Variants in EVA1C observed in about 807,000 individuals in gnomAD.
EVA1C encodes eva-1 homolog C.
Under a neutral mutation model 45.4 loss-of-function variants are expected in EVA1C, and 25 were observed. The ratio of observed to expected loss-of-function variants is 0.55; its 90% CI spans 0.40 to 0.77. The LOEUF is 0.77. Ranked by LOEUF, EVA1C falls within the 30% of genes least tolerant of loss-of-function variation. The pLI is 0.00. For missense variants in EVA1C, 479 were observed against 554.8 expected (o/e 0.86, Z 1.37); for synonymous variants, 190 against 221.2 (o/e 0.86, Z 1.25).
At chr21:32,422,467 A>C (rs561095015) in intron 1 of EVA1C, among the ~76,000 whole-genome samples, 19 of 152,344 alleles carry the variant, frequency 1.2e-4, no homozygotes, top group Admixed American at 1.0e-3. Context: ...GGATTGATGA[A>C]AGATTCAGAG....
intron 4 of EVA1C, among the ~76,000 whole-genome samples, chr21:32,487,446 G>A (rs887031079): frequency 6.6e-6 from 1 of 152,084 alleles, no homozygotes; most frequent in Non-Finnish European, 1.5e-5. Flanking sequence ...GAACCTTTAG[G>A]CCAGTGGCAG....
chr21:32,414,255 G>A (rs2033948629), intron 1 of EVA1C, among the ~76,000 whole-genome samples: 1 of 152,138 alleles, frequency 6.6e-6, no homozygotes, highest in South Asian at 2.1e-4. Flanking sequence ...TCAGAACTCT[G>A]TGGTAAGAGT....
In EVA1C at chr21:32,483,984, G is replaced by C. The variant is rs865924372; in HGVS notation, c.635-11043G>C. On this transcript the variant is annotated intron_variant, in intron 4 of 7. Transcript: ENST00000300255. ...TTTATGTGTGTGTGTGTGTGTGTGTGTGTGTGTGTGTGTGTATTTAAATAT... is the reference window on the plus strand; with the variant it reads ...TTTATGTGTGTGTGTGTGTGTGTGTCTGTGTGTGTGTGTGTATTTAAATAT... Among the ~76,000 whole-genome samples the C allele has an allele frequency of 3.5e-3, 539 of 151,872 alleles. 9 individuals carry two copies. The highest frequency in any genetic ancestry group is 0.013 in the African/African-American group (521 of 41,392).
At chr21:32,444,258 G>A (rs1462639788) in intron 1 of EVA1C, among the ~76,000 whole-genome samples, 1 of 152,062 alleles carries the variant, frequency 6.6e-6, no homozygotes, top group Non-Finnish European at 1.5e-5. Context: ...CATCTACCTG[G>A]AGACAGCATC....
At chr21:32,426,301 G>C (rs932254863) in intron 1 of EVA1C, among the ~76,000 whole-genome samples, 1 of 152,190 alleles carries the variant, frequency 6.6e-6, no homozygotes. Flanking sequence ...CTTGACGTGC[G>C]AGGATGTGTT....
chr21:32,432,444 G>C (rs1308995121), intron 1 of EVA1C, among the ~76,000 whole-genome samples: 2 of 152,086 alleles, frequency 1.3e-5, no homozygotes, highest in Non-Finnish European at 2.9e-5. Context: ...CTGGAGCTTT[G>C]GCAAAGGGGG....
At chr21:32,468,993 G>C (rs1368671022) in intron 4 of EVA1C, among the ~76,000 whole-genome samples, 1 of 152,196 alleles carries the variant, frequency 6.6e-6, no homozygotes, top group Non-Finnish European at 1.5e-5. Context: ...GGAAAGTCAA[G>C]GGCAGGGAGG....
rs543906764 is a variant in EVA1C at position 32,467,715 on chromosome 21, C to T, written c.501C>T (p.Thr167=). 9.9e-5 allele frequency: 159 copies of T among 1,606,786 alleles called. No individual in the cohort carries two copies. Among genetic ancestry groups the T allele is most frequent in the African/African-American group, 8.9e-4 (66 of 74,268 alleles). ...KCQPNELKNK[T]VCEDQELKLH... is the part of the protein sequence containing the mutation. ...CTTCAGATGAATTAAAAAACAAAAC[C>T]GTGTGTGAAGACCAGGAGCTGAAAC... Residue 167 remains threonine (T), a synonymous_variant, in exon 4 of 8, where the codon ACC becomes ACT. Transcript: ENST00000300255.
At chr21:32,494,960 G>T (rs2037294664) in intron 4 of EVA1C, 67 bp from the exon 5 acceptor site, 1 of 1,472,918 alleles carries the variant, frequency 6.8e-7, no homozygotes, top group South Asian at 1.2e-5. Context: ...TACAGAGAAT[G>T]CTGTAGGCTA....
intron 1 of EVA1C, among the ~76,000 whole-genome samples, chr21:32,434,873 T>C (rs180869242): frequency 3.3e-5 from 5 of 152,292 alleles, no homozygotes; most frequent in Middle Eastern, 3.2e-3. Flanking sequence ...GCCACCCAGC[T>C]TGTGGTACCT....
At chr21:32,462,565 TCTGGCCATAAACTGGCCCCAAAA>T (rs1476733411) in intron 3 of EVA1C, among the ~76,000 whole-genome samples, 1 of 152,196 alleles carries the variant, frequency 6.6e-6, no homozygotes. Flanking sequence ...CACCCCAAAA[TCTGGCCATAAACTGGCCCCAAAA>T]CTGGCCATAA....
intron 4 of EVA1C, among the ~76,000 whole-genome samples, chr21:32,494,765 G>C (rs1485529008): frequency 2.2e-5 from 3 of 137,016 alleles, no homozygotes; most frequent in Non-Finnish European, 4.6e-5. Context: ...CTGGGCGACA[G>C]AACAAGAATC....
In EVA1C at chr21:32,515,344, A is replaced by G; in HGVS notation, c.*154A>G. 1.5e-6 allele frequency: 1 copy of G among 689,126 alleles called. No individual in the cohort carries two copies. The highest frequency in any genetic ancestry group is 2.3e-6 in the Non-Finnish European group (1 of 434,284). 42.7% of individuals were successfully genotyped at this position (689,126 alleles called of 1,614,324 possible). A position where few individuals can be genotyped will look rare whatever the true frequency, so the allele number is the denominator to read the frequency against. ...AGGAAGCTATTAAAGGGATGTTTCA[A>G]GCTGTTTCTAGCACATTCCAAAATA... On this transcript the variant is annotated 3_prime_UTR_variant, in exon 8 of 8. Transcript: ENST00000300255.
rs553378303 is a variant in EVA1C at position 32,515,110 on chromosome 21, A to G, written c.1246A>G (p.Arg416Gly). ...AGAGCTCGCAGAAAGGATTGAGCGC[A>G]GGGAGCAAATCATTCAGGAAATATG... ...AAELAERIER[R>G]EQIIQEIWMN... Residue 416 changes from arginine to glycine, a missense_variant, in exon 8 of 8, where the codon AGG becomes GGG. Physicochemically the swap from Arg to Gly is moderately radical, Grantham distance 125. Coordinates refer to ENST00000300255, the MANE Select transcript of EVA1C (RefSeq NM_058187.5). 1.2e-6 allele frequency: 2 copies of G among 1,614,122 alleles called. No homozygotes were observed. Among genetic ancestry groups the G allele is most frequent in the African/African-American group, 1.3e-5 (1 of 75,064 alleles).
chr21:32,412,615 A>G, upstream of EVA1C: 1 of 390,866 alleles, frequency 2.6e-6, no homozygotes, highest in Non-Finnish European at 4.5e-6. Flanking sequence ...CTCTCGGGGA[A>G]ACTACGCGGA....
intron 4 of EVA1C, among the ~76,000 whole-genome samples, chr21:32,468,317 C>T (rs960519711): frequency 6.6e-5 from 10 of 151,392 alleles, no homozygotes; most frequent in East Asian, 1.9e-4. Flanking sequence ...TGCAGTGAGC[C>T]GAGATCGTGC....
intron 4 of EVA1C, among the ~76,000 whole-genome samples, chr21:32,481,055 A>G (rs987595387): frequency 6.6e-6 from 1 of 152,162 alleles, no homozygotes; most frequent in Non-Finnish European, 1.5e-5. Context: ...CTAGGAAGAT[A>G]TTCTTTAAAG....
chr21:32,501,544 C>T (rs1568949038), intron 6 of EVA1C, 49 bp downstream of exon 6: 6 of 1,588,846 alleles, frequency 3.8e-6, no homozygotes, highest in South Asian at 3.4e-5. Context: ...TAAAGGTAAA[C>T]AGCCCCTGGG....
chr21:32,462,998 T>A (rs1028428499), intron 3 of EVA1C, among the ~76,000 whole-genome samples: 1 of 152,216 alleles, frequency 6.6e-6, no homozygotes, highest in African/African-American at 2.4e-5. Flanking sequence ...TGTGTGTGTG[T>A]CTTTAATTCT....
Sources: allele counts gnomAD v4.1 joint callset (sites outside exome capture counted in the v4.1 genomes callset), GRCh38; gene constraint gnomAD v4.1.1; transcripts MANE v1.5; gene names NCBI Gene and HGNC (gene_info 2026-07-23, HGNC 2026-07-21).